INO80: variants seen among roughly 807,000 people sequenced by gnomAD.
The protein encoded by INO80 is INO80 complex ATPase subunit, also known as chromatin-remodeling ATPase INO80.
INO80 carries 20 observed loss-of-function variants against 203.4 expected under a neutral mutation model. That is an observed-to-expected ratio of 0.10 (90% confidence interval 0.07 to 0.14). The LOEUF is 0.14. Ranked by LOEUF, INO80 falls within the 10% of genes least tolerant of loss-of-function variation. The pLI is 1.00. For missense variants in INO80, 1,419 were observed against 1,914.4 expected, an observed-to-expected ratio of 0.74 and a Z score of 4.83; for synonymous variants, 726 against 685.2, an observed-to-expected ratio of 1.06 and a Z score of -0.93.
intron 28 of INO80, among the ~76,000 whole-genome samples, chr15:41,002,957 A>C (rs1372961426): frequency 6.6e-6 from 1 of 151,944 alleles, no homozygotes; most frequent in African/African-American, 2.4e-5. Context: ...ACAAAAATAC[A>C]AAAATACAAA....
rs2044656601 is a variant in INO80, at chr15:41,040,978, A to AATATCATTTTCACAGGAGAAATTTAACT, written c.2907+3898_2907+3925dup. ...CCAATAAACACCAGAAAAGGTATTC[A>AATATCATTTTCACAGGAGAAATTTAACT]ATATCATTTTCACAGGAGAAATTTA... On this transcript the variant is annotated intron_variant, in intron 24 of 35. Transcript: ENST00000648947. Among the ~76,000 whole-genome samples the AATATCATTTTCACAGGAGAAATTTAACT allele has an allele frequency of 5.9e-5, 9 of 152,374 alleles. No individual in the cohort carries two copies. The South Asian group carries it at 1.9e-3, about 32-fold the overall frequency.
Position 41,079,625 on chromosome 15 carries a change from A to G in INO80, c.1131+76T>C, listed in dbSNP as rs2045455741. The G allele has an allele frequency of 4.9e-6, 7 of 1,418,004 alleles. No homozygotes were observed. In the South Asian group the frequency reaches 8.2e-5, roughly 17 times the overall value. The allele number at this position is 1,418,004 out of a possible 1,614,324, so 87.8% of individuals were successfully genotyped here. ...GACAGTGTCATTGGTTAGATGTACA[A>G]TTTTCAAAATGCAAACGAATCTCTT... On this transcript the variant is annotated intron_variant, in intron 9 of 35. Transcript: ENST00000648947.
chr15:41,078,749 G>GC (rs2045441113), intron 9 of INO80, among the ~76,000 whole-genome samples: 1 of 100,986 alleles, frequency 9.9e-6, no homozygotes, highest in Non-Finnish European at 1.9e-5. Context: ...GCAATACAAT[G>GC]ATTTGCCTTC....
At chr15:41,088,464 A>C (rs1407024972) in intron 5 of INO80, among the ~76,000 whole-genome samples, 1 of 152,038 alleles carries the variant, frequency 6.6e-6, no homozygotes, top group Non-Finnish European at 1.5e-5. Flanking sequence ...AGTCATCCCA[A>C]TTCTTGAATC....
At chr15:41,016,531 T>C (rs1173766843) in intron 26 of INO80, among the ~76,000 whole-genome samples, 1 of 152,254 alleles carries the variant, frequency 6.6e-6, no homozygotes, top group Non-Finnish European at 1.5e-5. Flanking sequence ...TGGACATCTA[T>C]GGGTGACATC....
intron 17 of INO80, among the ~76,000 whole-genome samples, chr15:41,056,093 A>G (rs1473888328): frequency 6.6e-6 from 1 of 151,712 alleles, no homozygotes; most frequent in African/African-American, 2.4e-5. Context: ...ACAGGCATGC[A>G]CCACTATGCC....
intron 26 of INO80, among the ~76,000 whole-genome samples, chr15:41,020,283 C>T (rs530475816): frequency 1.3e-5 from 2 of 152,246 alleles, no homozygotes; most frequent in Middle Eastern, 3.4e-3. Context: ...AACACTATAG[C>T]TCCAAGCTAC....
chr15:41,017,903 C>T (rs943412919), intron 26 of INO80: 1 of 152,168 alleles, frequency 6.6e-6, no homozygotes, highest in Non-Finnish European at 1.5e-5. Flanking sequence ...ACTGCTAAGC[C>T]CTCTCCCTGG....
chr15:40,991,901 G>A (rs1255097246), intron 29 of INO80, among the ~76,000 whole-genome samples: 1 of 152,048 alleles, frequency 6.6e-6, no homozygotes, highest in Non-Finnish European at 1.5e-5. Context: ...AGCCTCCCGA[G>A]TAGCTGGGAG....
intron 14 of INO80, among the ~76,000 whole-genome samples, chr15:41,061,179 C>T (rs186309529): frequency 6.6e-5 from 10 of 151,992 alleles, no homozygotes; most frequent in South Asian, 4.2e-4. Context: ...TGGTGACACG[C>T]GCCTGCAGTC....
rs1251523023 is a variant in INO80, at chr15:41,116,082, C to CT, written c.-154dup. On this transcript the variant is annotated 5_prime_UTR_variant, in exon 1 of 36. It removes the in-frame stop codon of an upstream open reading frame in the 5' UTR. Transcript: ENST00000648947. Reference sequence around the variant, plus strand: ...CGACGGTGGAGCCGCGGTTCGCTCTCTGAGGCCGTGGGACGGTGACTGCGT... The same window carrying CT: ...CGACGGTGGAGCCGCGGTTCGCTCTCTTGAGGCCGTGGGACGGTGACTGCGT... The CT allele has an allele frequency of 2.5e-6, 1 of 396,678 alleles. No homozygotes were observed. Among genetic ancestry groups the CT allele is most frequent in the Non-Finnish European group, 4.4e-6 (1 of 224,854 alleles). 24.6% of individuals were successfully genotyped at this position (396,678 alleles called of 1,614,324 possible).
rs752863140 is a variant in INO80 at position 41,073,510 on chromosome 15, T to C, written c.1328-15A>G. ...ATGGTTACTATCTGAAAAGCAAAATTTATGGATTATCACACTTTATCAACT... is the reference window on the plus strand; with the variant it reads ...ATGGTTACTATCTGAAAAGCAAAATCTATGGATTATCACACTTTATCAACT... On this transcript the variant is annotated splice_polypyrimidine_tract_variant and intron_variant, in intron 10 of 35. Transcript: ENST00000648947. 3 of 1,598,634 alleles carry C rather than the reference T, an allele frequency of 1.9e-6. No homozygotes were observed. Among genetic ancestry groups the C allele is most frequent in the Non-Finnish European group, 2.6e-6 (3 of 1,165,956 alleles).
At chr15:40,986,298 G>A (rs2043731550) in intron 31 of INO80, among the ~76,000 whole-genome samples, 1 of 144,688 alleles carries the variant, frequency 6.9e-6, no homozygotes, top group Non-Finnish European at 1.5e-5. Flanking sequence ...CACAAATTTT[G>A]CCTTCTACTC....
chr15:41,116,259 C>T lies in INO80; in HGVS notation c.-330G>A. The T allele has an allele frequency of 2.5e-6, 1 of 399,552 alleles. No homozygotes were observed. Among genetic ancestry groups the T allele is most frequent in the South Asian group, 1.3e-4 (1 of 7,966 alleles). The allele number at this position is 399,552 out of a possible 1,614,324, so 24.8% of individuals were successfully genotyped here. On this transcript the variant is annotated 5_prime_UTR_variant, in exon 1 of 36. Transcript: ENST00000648947. Reference sequence around the variant, plus strand: ...GGAGCAGGGACACGGGGAGCCATGGCGGGGGGGAGGAGAGGCGCCATAGCC... The same window carrying T: ...GGAGCAGGGACACGGGGAGCCATGGTGGGGGGGAGGAGAGGCGCCATAGCC...
intron 19 of INO80, among the ~76,000 whole-genome samples, chr15:41,050,997 C>G (rs572340233): frequency 1.5e-4 from 23 of 151,712 alleles, no homozygotes; most frequent in Non-Finnish European, 2.4e-4. Flanking sequence ...GGTGTGGTAC[C>G]ACGTGCCTCT....
chr15:41,073,593 C>T, intron 10 of INO80, 98 bp from the exon 11 acceptor site: 2 of 971,448 alleles, frequency 2.1e-6, no homozygotes, highest in African/African-American at 1.6e-5. Flanking sequence ...TTCCCTCATT[C>T]TACTTATCCC....
chr15:41,056,250 T>C, intron 17 of INO80, among the ~76,000 whole-genome samples: 1 of 152,136 alleles, frequency 6.6e-6, no homozygotes, highest in Admixed American at 6.6e-5. Flanking sequence ...GCAGCCTCTA[T>C]AAGGATTTCT....
chr15:40,986,507 T>G (rs906113573), intron 31 of INO80, among the ~76,000 whole-genome samples: 1 of 151,974 alleles, frequency 6.6e-6, no homozygotes, highest in Non-Finnish European at 1.5e-5. Context: ...GTATTTTTAG[T>G]AGAGACGGGG....
At chr15:41,005,200 CAAAAA>C (rs66849866) in intron 28 of INO80, 5 of 80,050 alleles carry the variant, frequency 6.2e-5, no homozygotes, top group African/African-American at 2.1e-4. Context: ...CTCACACACA[CAAAAA>C]AAAAAAAAAA....
Sources: gnomAD v4.1 joint callset for allele counts (sites outside exome capture counted in the v4.1 genomes callset) on GRCh38, gnomAD v4.1.1 for gene constraint, MANE v1.5 for transcripts, NCBI Gene and HGNC (gene_info 2026-07-23, HGNC 2026-07-21) for gene names.